The following B3GALT5 variants were observed in gnomAD, a reference collection of about 807,000 sequenced individuals.
The protein encoded by B3GALT5 is UDP-Gal:betaGlcNAc beta 1,3-galactosyltransferase, polypeptide 5.
For synonymous variants in B3GALT5, 156 were observed against 158.6 expected, an observed-to-expected ratio of 0.98 and a Z score of 0.12; for missense variants, 328 against 396.6, an observed-to-expected ratio of 0.83 and a Z score of 1.47.
In B3GALT5 at chr21:39,670,200, C is replaced by T. The variant is rs537157962; in HGVS notation, c.*8708C>T. 1 of 149,446 alleles carries T rather than the reference C, an allele frequency of 6.7e-6. No homozygotes were observed. Among genetic ancestry groups the T allele is most frequent in the Non-Finnish European group, 1.5e-5 (1 of 67,500 alleles). 9.3% of individuals were successfully genotyped at this position (149,446 alleles called of 1,614,324 possible). A position where few individuals can be genotyped will look rare whatever the true frequency, so the allele number is the denominator to read the frequency against. On this transcript the variant is annotated 3_prime_UTR_variant, in exon 4 of 4. Coordinates refer to ENST00000684187, the MANE Select transcript of B3GALT5 (RefSeq NM_001356336.2). ...CCCTTGCAAAACAAGCCCGGGGGCG[C>T]CACACTCAGACTGTGTGTGTGTGTG...
In B3GALT5 at chr21:39,661,588, T is replaced by C. The variant is rs2079525932; in HGVS notation, c.*96T>C. On this transcript the variant is annotated 3_prime_UTR_variant, in exon 4 of 4. Coordinates refer to ENST00000684187, the MANE Select transcript of B3GALT5 (RefSeq NM_001356336.2). The surrounding 1 kb of genome is among the most constrained non-coding windows in gnomAD (Gnocchi z 4.7). ...GAGGGGGCGGGACAGAGGATGCTGT[T>C]CTTCAGTGCTGAAATCCACGCCAGA... 6 of 1,182,622 alleles carry C rather than the reference T, an allele frequency of 5.1e-6. No homozygotes were observed. Among genetic ancestry groups the C allele is most frequent in the African/African-American group, 1.5e-5 (1 of 64,842 alleles). The allele number at this position is 1,182,622 out of a possible 1,614,324, so 73.3% of individuals were successfully genotyped here.
intron 1 of B3GALT5, among the ~76,000 whole-genome samples, chr21:39,613,535 T>C (rs2079091796): frequency 6.6e-6 from 1 of 152,198 alleles, no homozygotes; most frequent in Admixed American, 6.5e-5. Flanking sequence ...AGCTTTTCAT[T>C]AAGAGATGAC....
At chr21:39,649,666 G>A (rs1296055490) in intron 2 of B3GALT5, among the ~76,000 whole-genome samples, 2 of 152,090 alleles carry the variant, frequency 1.3e-5, no homozygotes, top group African/African-American at 4.8e-5. Flanking sequence ...AGGGGCGAGG[G>A]GGATTCTGGC....
At chr21:39,639,408 CTTT>C in intron 1 of B3GALT5, among the ~76,000 whole-genome samples, 1 of 82,216 alleles carries the variant, frequency 1.2e-5, no homozygotes, top group African/African-American at 4.6e-5. Flanking sequence ...CTTTTTCTTT[CTTT>C]CTTTCTTTCT....
chr21:39,648,806 G>A lies in B3GALT5; in HGVS notation c.-161+2184G>A, dbSNP rs1165728645. Among the ~76,000 whole-genome samples, 3 of 152,184 alleles carry A rather than the reference G, an allele frequency of 2.0e-5. No homozygotes were observed. The South Asian group carries it at 6.2e-4, about 32-fold the overall frequency. On this transcript the variant is annotated intron_variant, in intron 2 of 3. Transcript: ENST00000684187. ...CTGAGTAGGTTCAGTGAGGTCCCGA[G>A]GGTGGAGCGCTCGTGATGAGATGAG...
chr21:39,628,168 C>T (rs931292510), intron 1 of B3GALT5, among the ~76,000 whole-genome samples: 2 of 152,002 alleles, frequency 1.3e-5, no homozygotes, highest in Admixed American at 6.6e-5. Flanking sequence ...ACTTTAAAAT[C>T]GTTATTATAA....
chr21:39,653,142 A>G (rs2079411329), intron 2 of B3GALT5, among the ~76,000 whole-genome samples: 1 of 152,158 alleles, frequency 6.6e-6, no homozygotes, highest in Non-Finnish European at 1.5e-5. Flanking sequence ...CATTCTGCTG[A>G]CTTCCTTCAT....
In B3GALT5 at chr21:39,665,440, T is replaced by A. The variant is rs902789101; in HGVS notation, c.*3948T>A. On this transcript the variant is annotated 3_prime_UTR_variant, in exon 4 of 4. Transcript: ENST00000684187. ...TTCTCTGCTCAAAACCCTCCTGAGG[T>A]TTCCCATCACCAAGGATATTAAGGA... 5 of 152,180 alleles carry A rather than the reference T, an allele frequency of 3.3e-5. No individual in the cohort carries two copies. Among genetic ancestry groups the A allele is most frequent in the Non-Finnish European group, 7.3e-5 (5 of 68,056 alleles). 9.4% of individuals were successfully genotyped at this position (152,180 alleles called of 1,614,324 possible). A position where few individuals can be genotyped will look rare whatever the true frequency, so the allele number is the denominator to read the frequency against.
intron 2 of B3GALT5, among the ~76,000 whole-genome samples, chr21:39,655,887 T>C (rs2079438813): frequency 6.6e-6 from 1 of 152,128 alleles, no homozygotes. Flanking sequence ...CATGCTCTTT[T>C]CCACCTTCTC....
chr21:39,616,049 G>A lies in B3GALT5; in HGVS notation c.-392+2982G>A, dbSNP rs1016179481. The stretch of plus-strand genomic sequence containing the variant: ...TTTTATAAGATGACTAACATCAGGG[G>A]AACAATATTTAGTTTGTTATTTAAA... On this transcript the variant is annotated intron_variant, in intron 1 of 3. Coordinates refer to ENST00000684187, the MANE Select transcript of B3GALT5 (RefSeq NM_001356336.2). Among the ~76,000 whole-genome samples, 2 of 152,118 alleles carry A rather than the reference G, an allele frequency of 1.3e-5. 1 individual carries two copies.
rs1299624278 is a variant in B3GALT5, at chr21:39,662,775, C to T, written c.*1283C>T. 2 of 167,092 alleles carry T rather than the reference C, an allele frequency of 1.2e-5. No homozygotes were observed. Among genetic ancestry groups the T allele is most frequent in the Non-Finnish European group, 1.5e-5 (1 of 68,102 alleles). The allele number at this position is 167,092 out of a possible 1,614,324, so 10.4% of individuals were successfully genotyped here. A position where few individuals can be genotyped will look rare whatever the true frequency, so the allele number is the denominator to read the frequency against. On this transcript the variant is annotated 3_prime_UTR_variant, in exon 4 of 4. Coordinates refer to ENST00000684187, the MANE Select transcript of B3GALT5 (RefSeq NM_001356336.2). ...ACGTGACATGCAAAGTAATCTTGCT[C>T]CTAATTATAGAAATGATTTTTCTTT...
At chr21:39,628,344 T>G (rs1298498782) in intron 1 of B3GALT5, among the ~76,000 whole-genome samples, 3 of 152,150 alleles carry the variant, frequency 2.0e-5, no homozygotes, top group Admixed American at 6.5e-5. Flanking sequence ...GCCCTTAGGG[T>G]GGGTATCCAT....
At chr21:39,621,247 G>C (rs966488211) in intron 1 of B3GALT5, among the ~76,000 whole-genome samples, 2 of 152,100 alleles carry the variant, frequency 1.3e-5, no homozygotes, top group Admixed American at 1.3e-4. Flanking sequence ...ATTATGAATT[G>C]GTGCTGAATT....
rs985415432 is a variant in B3GALT5 at position 39,669,559 on chromosome 21, C to T, written c.*8067C>T. On this transcript the variant is annotated 3_prime_UTR_variant, in exon 4 of 4. Coordinates refer to ENST00000684187, the MANE Select transcript of B3GALT5 (RefSeq NM_001356336.2). ...GAAGATTATCAGGGGCACCTGATCC[C>T]TTGACAGCTGAATAAAGAAGCGTTC... 12 of 152,104 alleles carry T rather than the reference C, an allele frequency of 7.9e-5. No individual in the cohort carries two copies. Among genetic ancestry groups the T allele is most frequent in the Non-Finnish European group, 1.5e-4 (10 of 68,028 alleles). The allele number at this position is 152,104 out of a possible 1,614,324, so 9.4% of individuals were successfully genotyped here.
chr21:39,660,904 A>G lies in B3GALT5; in HGVS notation c.345A>G (p.Arg115=), dbSNP rs1471252732. The change falls in exon 4 of 4, where the codon CGA becomes CGG. Residue 115 remains arginine, a synonymous_variant. Transcript: ENST00000684187. ...AAGAGGTGGACCAGGAGAGCCAGCG[A>G]CACGGGGACATTATCCAGAAGGATT... ...ETKEVDQESQ[R]HGDIIQKDFL... 1 of 1,611,060 alleles carries G rather than the reference A, an allele frequency of 6.2e-7. No individual in the cohort carries two copies. Among genetic ancestry groups the G allele is most frequent in the Non-Finnish European group, 8.5e-7 (1 of 1,178,574 alleles).
Position 39,671,294 on chromosome 21 carries a change from A to C in B3GALT5, c.*9802A>C, listed in dbSNP as rs150363108. On this transcript the variant is annotated 3_prime_UTR_variant, in exon 4 of 4. Coordinates refer to ENST00000684187, the MANE Select transcript of B3GALT5 (RefSeq NM_001356336.2). ...GCTTTCTCATAACATTTTTTTAATT[A>C]ATTAATTTTCAGCGTTTGTTATATC... The C allele has an allele frequency of 6.6e-6, 1 of 152,308 alleles. No individual in the cohort carries two copies. The highest frequency in any genetic ancestry group is 2.4e-5 in the African/African-American group (1 of 41,574). 9.4% of individuals were successfully genotyped at this position (152,308 alleles called of 1,614,324 possible).
At chr21:39,618,352 C>T (rs1389360995) in intron 1 of B3GALT5, among the ~76,000 whole-genome samples, 1 of 152,166 alleles carries the variant, frequency 6.6e-6, no homozygotes, top group East Asian at 1.9e-4. Context: ...AGCATCTTTC[C>T]TAGATACTGA....
chr21:39,648,892 C>T (rs903378849), intron 2 of B3GALT5, among the ~76,000 whole-genome samples: 7 of 152,152 alleles, frequency 4.6e-5, no homozygotes, highest in African/African-American at 7.2e-5. Flanking sequence ...AACAGGAAGC[C>T]GACCATCTGC....
At position 39,639,342 on chromosome 21, in the gene B3GALT5, C is replaced by T. The variant is rs867178021; in HGVS notation, c.-391-7050C>T. ...TCTTTCTTTCTTTCTTTCTTTCTTT[C>T]TTTCTTTCCTTCCTTCCTTCCTTCC... On this transcript the variant is annotated intron_variant, in intron 1 of 3. Coordinates refer to ENST00000684187, the MANE Select transcript of B3GALT5 (RefSeq NM_001356336.2). Among the ~76,000 whole-genome samples the T allele has an allele frequency of 1.2e-3, 146 of 122,508 alleles. 1 individual carries two copies. The highest frequency in any genetic ancestry group is 1.5e-3 in the Non-Finnish European group (89 of 58,650). The allele number at this position is 122,508 out of a possible 152,430, so 80.4% of individuals were successfully genotyped here. A position where few individuals can be genotyped will look rare whatever the true frequency, so the allele number is the denominator to read the frequency against.
Sources: gnomAD v4.1 joint callset for allele counts (sites outside exome capture counted in the v4.1 genomes callset) on GRCh38, gnomAD v4.1.1 for gene constraint, Gnocchi (gnomAD v3.1) non-coding constraint, MANE v1.5 for transcripts, NCBI Gene and HGNC (gene_info 2026-07-23, HGNC 2026-07-21) for gene names.